NPAS3: variants seen among roughly 807,000 people sequenced by gnomAD.
The protein encoded by NPAS3 is neuronal PAS domain-containing protein 3.
NPAS3 carries 14 observed loss-of-function variants against 73.1 expected under a neutral mutation model. The ratio of observed to expected loss-of-function variants is 0.19; its 90% CI spans 0.13 to 0.30. NPAS3 has a LOEUF of 0.30. Among genes scored for constraint, NPAS3 ranks in the 10% least tolerant of loss-of-function variants. NPAS3 has a pLI of 1.00. For missense variants in NPAS3, 1,096 were observed against 1,250.0 expected (o/e 0.88, Z 1.86); for synonymous variants, 620 against 541.5 (o/e 1.14, Z -2.01).
intron 9 of NPAS3, among the ~76,000 whole-genome samples, chr14:33,781,929 C>G (rs2062990846): frequency 6.6e-6 from 1 of 152,120 alleles, no homozygotes; most frequent in Admixed American, 6.5e-5. Flanking sequence ...ATAAATTGAA[C>G]CAAGAACTTT....
chr14:33,065,998 C>A (rs761694105), intron 2 of NPAS3, among the ~76,000 whole-genome samples: 15 of 152,082 alleles, frequency 9.9e-5, no homozygotes, highest in Non-Finnish European at 1.8e-4. Flanking sequence ...GGGCACAAAG[C>A]ATCCTGTCCT....
intron 7 of NPAS3, among the ~76,000 whole-genome samples, chr14:33,746,523 A>G (rs1299126414): frequency 2.7e-5 from 4 of 147,722 alleles, no homozygotes; most frequent in Admixed American, 2.7e-4. Flanking sequence ...TTTATGATGT[A>G]TTTATTAATA....
intron 5 of NPAS3, among the ~76,000 whole-genome samples, chr14:33,586,992 C>T (rs1028051193): frequency 3.0e-4 from 45 of 152,298 alleles, no homozygotes; most frequent in African/African-American, 1.1e-3. Context: ...CGAGGACCGG[C>T]TCCCCAAACA....
At chr14:33,570,985 A>G (rs1195245312) in intron 5 of NPAS3, among the ~76,000 whole-genome samples, 1 of 152,214 alleles carries the variant, frequency 6.6e-6, no homozygotes. Flanking sequence ...TGTCAGCAGT[A>G]CTGAGGAGAG....
chr14:32,938,474 A>AGAGAAATT (rs1555372880), upstream of NPAS3, among the ~76,000 whole-genome samples: 118 of 122,952 alleles, frequency 9.6e-4, 1 homozygote, highest in African/African-American at 3.3e-3. Flanking sequence ...AGAGAGAGAG[A>AGAGAAATT]GAGAGAGAAA....
At chr14:33,755,944 T>A (rs2062102086) in intron 7 of NPAS3, among the ~76,000 whole-genome samples, 1 of 151,998 alleles carries the variant, frequency 6.6e-6, no homozygotes, top group Non-Finnish European at 1.5e-5. Flanking sequence ...TCTCCTGGGA[T>A]CTAACAGAGT....
chr14:33,723,620 A>G (rs765666035), intron 6 of NPAS3, among the ~76,000 whole-genome samples: 10 of 151,732 alleles, frequency 6.6e-5, no homozygotes, highest in African/African-American at 9.7e-5. Flanking sequence ...ATGTCCCTGA[A>G]TGTCCCTGTA....
chr14:33,245,562 A>C (rs1398916390), intron 3 of NPAS3, among the ~76,000 whole-genome samples: 1 of 152,208 alleles, frequency 6.6e-6, no homozygotes, highest in Admixed American at 6.5e-5. Flanking sequence ...TTATTTTTAA[A>C]TGATTGATAA....
chr14:33,367,093 G>A, intron 3 of NPAS3, 93 bp from the exon 4 acceptor site: 1 of 625,128 alleles, frequency 1.6e-6, no homozygotes, highest in Non-Finnish European at 2.8e-6. Context: ...ATACTAAATA[G>A]TCAATGATGC....
chr14:33,181,978 G>C (rs1265782201), intron 2 of NPAS3, among the ~76,000 whole-genome samples: 1 of 151,968 alleles, frequency 6.6e-6, no homozygotes, highest in Non-Finnish European at 1.5e-5. Flanking sequence ...GTGGTTCTTT[G>C]CTGGCTACCC....
intron 6 of NPAS3, among the ~76,000 whole-genome samples, chr14:33,726,389 A>G (rs976747109): frequency 6.6e-6 from 1 of 152,206 alleles, no homozygotes; most frequent in Non-Finnish European, 1.5e-5. Context: ...CTAGAATTTC[A>G]TAGTCACTGC....
At chr14:33,780,801 C>T in intron 9 of NPAS3, 1 of 319,256 alleles carries the variant, frequency 3.1e-6, no homozygotes, top group South Asian at 2.6e-5. Flanking sequence ...CTCCACCATT[C>T]ACTATTGTGC....
chr14:33,779,193 GC>G (rs2062908406), intron 9 of NPAS3, among the ~76,000 whole-genome samples: 1 of 152,190 alleles, frequency 6.6e-6, no homozygotes, highest in Non-Finnish European at 1.5e-5. Context: ...ATGGCTCCCA[GC>G]CCCTGAGCCA....
intron 3 of NPAS3, among the ~76,000 whole-genome samples, chr14:33,309,887 C>G (rs910199291): frequency 6.6e-6 from 1 of 152,136 alleles, no homozygotes; most frequent in Non-Finnish European, 1.5e-5. Flanking sequence ...ATATTTCCCT[C>G]GTGAGAAGTC....
chr14:33,209,853 C>T (rs375121502), intron 2 of NPAS3, among the ~76,000 whole-genome samples: 97 of 152,222 alleles, frequency 6.4e-4, no homozygotes, highest in African/African-American at 1.9e-3. Context: ...TAAAAGTTTA[C>T]GTGAAGGTGT....
intron 5 of NPAS3, among the ~76,000 whole-genome samples, chr14:33,562,950 T>G (rs910891150): frequency 2.1e-4 from 31 of 151,062 alleles, no homozygotes; most frequent in African/African-American, 6.9e-4. Context: ...ATGCTCTGCT[T>G]GTATGCTACA....
intron 9 of NPAS3, among the ~76,000 whole-genome samples, chr14:33,787,022 C>T (rs74044723): frequency 0.014 from 2,065 of 150,532 alleles, 43 homozygotes; most frequent in African/African-American, 0.046. Flanking sequence ...AGGAGTTCAC[C>T]GCTTCTCATT....
chr14:33,181,402 G>C (rs1485839784), intron 2 of NPAS3, among the ~76,000 whole-genome samples: 1 of 152,116 alleles, frequency 6.6e-6, no homozygotes, highest in Admixed American at 6.5e-5. Context: ...CAAATATGAA[G>C]AACAGGCATA....
At chr14:33,211,113 T>A (rs1311656347) in intron 2 of NPAS3, among the ~76,000 whole-genome samples, 1 of 152,182 alleles carries the variant, frequency 6.6e-6, no homozygotes, top group African/African-American at 2.4e-5. Context: ...TAAAAAAGAC[T>A]CATTTAACTT....
Sources: allele counts gnomAD v4.1 joint callset (sites outside exome capture counted in the v4.1 genomes callset), GRCh38; gene constraint gnomAD v4.1.1; transcripts MANE v1.5; gene names NCBI Gene and HGNC (gene_info 2026-07-23, HGNC 2026-07-21).